The following SYT1 variants were observed in gnomAD, a reference collection of about 807,000 sequenced individuals.
The protein encoded by SYT1 is synaptotagmin-1.
Under a neutral mutation model 44.8 loss-of-function variants are expected in SYT1, and 8 were observed. That is an observed-to-expected ratio of 0.18 (90% CI 0.10 to 0.32). SYT1 has a LOEUF of 0.32. Among genes scored for constraint, SYT1 ranks in the 10% least tolerant of loss-of-function variants. The pLI, the probability that SYT1 is intolerant of heterozygous loss-of-function variation, is 1.00. For missense variants in SYT1, 286 were observed against 509.3 expected (o/e 0.56, Z 4.22); for synonymous variants, 154 against 188.8 (o/e 0.82, Z 1.51).
rs541215298 is a variant in SYT1, at chr12:79,339,926, G to A, written c.811-13576G>A. On this transcript the variant is annotated intron_variant, in intron 8 of 10. Coordinates refer to ENST00000261205, the MANE Select transcript of SYT1 (RefSeq NM_005639.3). ...TTCCCAGCACCATTTGTTAAATAGGGAATCCTTTCCCCATTTCTTGTTTTT... is the reference window on the plus strand; with the variant it reads ...TTCCCAGCACCATTTGTTAAATAGGAAATCCTTTCCCCATTTCTTGTTTTT... 1.2e-4 allele frequency among the ~76,000 whole-genome samples: 18 copies of A among 152,252 alleles called. No homozygotes were observed. In the East Asian group the frequency reaches 3.3e-3, roughly 28 times the overall value.
chr12:78,983,811 G>A (rs1020318454), intron 2 of SYT1, among the ~76,000 whole-genome samples: 1 of 152,022 alleles, frequency 6.6e-6, no homozygotes, highest in South Asian at 2.1e-4. Context: ...TCAGATAACT[G>A]CAAAAGTAAA....
At chr12:79,426,458 A>AATCTT (rs1869455857) in intron 9 of SYT1, among the ~76,000 whole-genome samples, 1 of 152,214 alleles carries the variant, frequency 6.6e-6, no homozygotes, top group Admixed American at 6.5e-5. Flanking sequence ...TGAATAGAAC[A>AATCTT]CAATCTTCAG....
intron 3 of SYT1, among the ~76,000 whole-genome samples, chr12:79,062,297 A>G (rs919490739): frequency 6.6e-6 from 1 of 152,134 alleles, no homozygotes; most frequent in African/African-American, 2.4e-5. Context: ...AGAGTGTCCT[A>G]TTGATTCAGA....
intron 4 of SYT1, among the ~76,000 whole-genome samples, chr12:79,218,304 T>C (rs1874939285): frequency 6.6e-6 from 1 of 152,178 alleles, no homozygotes; most frequent in Non-Finnish European, 1.5e-5. Flanking sequence ...AATATATCTA[T>C]GGTGTATTCC....
intron 4 of SYT1, among the ~76,000 whole-genome samples, chr12:79,243,375 G>C (rs1565871673): frequency 6.6e-6 from 1 of 152,116 alleles, no homozygotes; most frequent in Non-Finnish European, 1.5e-5. Flanking sequence ...ATCAAGTACA[G>C]GGCATATTTT....
intron 2 of SYT1, among the ~76,000 whole-genome samples, chr12:79,017,098 T>G (rs1418647522): frequency 6.6e-6 from 1 of 152,134 alleles, no homozygotes; most frequent in African/African-American, 2.4e-5. Context: ...TCCACAAGAT[T>G]TCCAAAGGTG....
At chr12:79,067,512 C>T (rs1875955727) in intron 3 of SYT1, among the ~76,000 whole-genome samples, 1 of 152,060 alleles carries the variant, frequency 6.6e-6, no homozygotes, top group Non-Finnish European at 1.5e-5. Flanking sequence ...AGATGCTTTA[C>T]TTGGAGTTCC....
chr12:78,890,968 A>G (rs915199973), intron 1 of SYT1, among the ~76,000 whole-genome samples: 5 of 151,952 alleles, frequency 3.3e-5, no homozygotes, highest in African/African-American at 1.2e-4. Flanking sequence ...TTTTAGGTAC[A>G]TAGCTCACTA....
chr12:79,159,903 A>T (rs1186774900), intron 3 of SYT1, among the ~76,000 whole-genome samples: 1 of 152,186 alleles, frequency 6.6e-6, no homozygotes, highest in Non-Finnish European at 1.5e-5. Flanking sequence ...GAAATATTGT[A>T]TAATAACTTA....
At chr12:79,292,500 G>A (rs1390366562) in intron 6 of SYT1, among the ~76,000 whole-genome samples, 3 of 152,282 alleles carry the variant, frequency 2.0e-5, no homozygotes, top group South Asian at 4.1e-4. Flanking sequence ...GAACTAGACA[G>A]GGCTAGGGGC....
At chr12:79,097,698 G>A (rs904346353) in intron 3 of SYT1, among the ~76,000 whole-genome samples, 1 of 151,896 alleles carries the variant, frequency 6.6e-6, no homozygotes, top group Non-Finnish European at 1.5e-5. Context: ...ATTGACCTCT[G>A]GAAAATGACC....
At chr12:78,984,190 A>T (rs1296085528) in intron 2 of SYT1, among the ~76,000 whole-genome samples, 1 of 151,888 alleles carries the variant, frequency 6.6e-6, no homozygotes, top group African/African-American at 2.4e-5. Context: ...CTTAGATTTT[A>T]AAACTTCTCA....
chr12:79,160,764 A>G (rs938116509), intron 3 of SYT1, among the ~76,000 whole-genome samples: 9 of 152,148 alleles, frequency 5.9e-5, no homozygotes, highest in Non-Finnish European at 1.2e-4. Context: ...CAAATCATCT[A>G]TTCATAGTGA....
chr12:78,884,677 T>A (rs1053933790), intron 1 of SYT1, among the ~76,000 whole-genome samples: 6 of 151,242 alleles, frequency 4.0e-5, no homozygotes, highest in Non-Finnish European at 8.9e-5. Context: ...AATTTTATAA[T>A]TATATTTAAT....
intron 3 of SYT1, among the ~76,000 whole-genome samples, chr12:79,078,067 GT>G (rs1201115074): frequency 1.3e-5 from 2 of 151,798 alleles, no homozygotes; most frequent in African/African-American, 2.4e-5. Context: ...TTATGAAATG[GT>G]TTTTTTTCTC....
chr12:79,052,624 A>G (rs994143527), intron 3 of SYT1, among the ~76,000 whole-genome samples: 1 of 152,086 alleles, frequency 6.6e-6, no homozygotes, highest in Non-Finnish European at 1.5e-5. Context: ...AAGGGCTAAT[A>G]TCCAGAATCT....
intron 9 of SYT1, among the ~76,000 whole-genome samples, chr12:79,424,196 C>T (rs1436306813): frequency 6.6e-6 from 1 of 151,992 alleles, no homozygotes; most frequent in Non-Finnish European, 1.5e-5. Context: ...AGAAATGTAA[C>T]CCTCAGCCAG....
intron 1 of SYT1, among the ~76,000 whole-genome samples, chr12:78,924,767 C>G (rs982684367): frequency 6.6e-6 from 1 of 151,002 alleles, no homozygotes; most frequent in Admixed American, 6.6e-5. Context: ...CTCCATAATT[C>G]TTTGAATACA....
chr12:79,388,868 A>C (rs1205939024), intron 9 of SYT1, among the ~76,000 whole-genome samples: 2 of 152,204 alleles, frequency 1.3e-5, no homozygotes, highest in African/African-American at 4.8e-5. Flanking sequence ...CATGATCTAC[A>C]TCATTACATC....
Sources: gnomAD v4.1 joint callset for allele counts (sites outside exome capture counted in the v4.1 genomes callset) on GRCh38, gnomAD v4.1.1 for gene constraint, MANE v1.5 for transcripts, NCBI Gene and HGNC (gene_info 2026-07-23, HGNC 2026-07-21) for gene names.